Variants in PTPRB observed in about 807,000 individuals in gnomAD.
The protein encoded by PTPRB is protein tyrosine phosphatase receptor type B, also known as receptor-type tyrosine-protein phosphatase beta.
A neutral mutation model predicts 238.1 loss-of-function variants in PTPRB; 97 were observed. The observed-to-expected ratio is 0.41, with a 90% confidence interval of 0.35 to 0.48. The LOEUF (loss-of-function observed/expected upper bound fraction) is 0.48. Among genes scored for constraint, PTPRB ranks in the 20% least tolerant of loss-of-function variants. The pLI, the probability that PTPRB is intolerant of heterozygous loss-of-function variation, is 0.30. For synonymous variants in PTPRB, 970 were observed against 995.4 expected, an observed-to-expected ratio of 0.97 and a Z score of 0.48; for missense variants, 2,292 against 2,681.9, an observed-to-expected ratio of 0.85 and a Z score of 3.21.
intron 4 of PTPRB, among the ~76,000 whole-genome samples, chr12:70,607,474 A>G (rs1884041396): frequency 6.6e-6 from 1 of 152,174 alleles, no homozygotes; most frequent in Non-Finnish European, 1.5e-5. Context: ...AACTTTTGTA[A>G]AATGTTCTAA....
chr12:70,602,220 T>C (rs947286185), intron 4 of PTPRB, among the ~76,000 whole-genome samples: 6 of 152,214 alleles, frequency 3.9e-5, no homozygotes, highest in Admixed American at 1.3e-4. Flanking sequence ...ATGTAACATC[T>C]GTATACACTA....
In PTPRB at chr12:70,560,759, T is replaced by G; in HGVS notation, c.4344A>C (p.Gln1448His). 12 of 1,613,992 alleles carry G rather than the reference T, an allele frequency of 7.4e-6. No homozygotes were observed. The highest frequency in any genetic ancestry group is 9.3e-6 in the Non-Finnish European group (11 of 1,179,870). The change falls in exon 17 of 34, where the codon CAA becomes CAC. Residue 1448 changes from glutamine (Q) to histidine (H), a missense_variant. Physicochemically the swap from Gln to His is conservative, Grantham distance 24. Coordinates refer to ENST00000334414, the MANE Select transcript of PTPRB (RefSeq NM_001109754.4). The surrounding 1 kb of genome is among the most constrained non-coding windows in gnomAD (Gnocchi z 4.2). ...CGTACTTCCTTCCAGGAACAAGGCC[T>G]TGAAACCGCCACTCCGTCAGGTCCT... ...KDKDLTEWRF[Q>H]GLVPGRKYVL...
intron 19 of PTPRB, 103 bp from the exon 20 acceptor site, chr12:70,555,412 C>CTG (rs146276013): frequency 5.0e-5 from 57 of 1,129,910 alleles, no homozygotes; most frequent in Non-Finnish European, 6.2e-5. Context: ...CTGCATCAGA[C>CTG]TGTGTGTGTG....
At chr12:70,548,332 TCTCTCTCTCTCTCTCACACA>T (rs1456616044) in intron 21 of PTPRB, among the ~76,000 whole-genome samples, 1 of 31,504 alleles carries the variant, frequency 3.2e-5, no homozygotes, top group African/African-American at 1.3e-4. Flanking sequence ...TCTCTCTCTC[TCTCTCTCTCTCTCTCACACA>T]CACACACACA....
chr12:70,613,246 C>T (rs560154738), intron 3 of PTPRB, among the ~76,000 whole-genome samples: 8 of 151,954 alleles, frequency 5.3e-5, no homozygotes, highest in Non-Finnish European at 7.4e-5. Flanking sequence ...GTCCTTACCC[C>T]GGCCCCTCAT....
intron 1 of PTPRB, 55 bp downstream of exon 1, chr12:70,637,286 C>T: frequency 6.7e-7 from 1 of 1,499,914 alleles, no homozygotes; most frequent in East Asian, 2.4e-5. Flanking sequence ...AGACCAGGGA[C>T]TCCTTGGCTA....
intron 9 of PTPRB, among the ~76,000 whole-genome samples, chr12:70,581,798 G>A (rs1881425881): frequency 1.3e-5 from 2 of 150,602 alleles, no homozygotes; most frequent in African/African-American, 4.9e-5. Flanking sequence ...ATGAACATGT[G>A]ATAATAATAT....
intron 10 of PTPRB, 34 bp from the exon 11 acceptor site, chr12:70,576,679 G>GGGGGGGGGGA (rs1555230214): frequency 4.5e-6 from 1 of 221,762 alleles, no homozygotes; most frequent in Non-Finnish European, 8.2e-6. Flanking sequence ...CGGGGGGGGG[G>GGGGGGGGGGA]GGGAAGGGGG....
Position 70,592,414 on chromosome 12 carries a change from C to G in PTPRB, c.1648G>C (p.Glu550Gln). 1 of 1,613,860 alleles carries G rather than the reference C, an allele frequency of 6.2e-7. No individual in the cohort carries two copies. The change falls in exon 7 of 34, where the codon GAA (glutamate) becomes CAA (glutamine). Residue 550 changes from glutamate to glutamine, a missense_variant. This residue lies in a region of PTPRB where 1,205 missense variants were observed against 1,287.8 expected (regional missense o/e 0.94). Coordinates refer to ENST00000334414, the MANE Select transcript of PTPRB (RefSeq NM_001109754.4). ...ATCCAAGGTGCTAATACTCTGGATT[C>G]CTTGATGGTCCCTTTGTGAGACAGG... Reference protein sequence around the residue: ...ITLSHKGTIKESRVLAPWITE... With the variant: ...ITLSHKGTIKQSRVLAPWITE...
chr12:70,540,635 C>A, intron 23 of PTPRB: 1 of 491,352 alleles, frequency 2.0e-6, no homozygotes, highest in Non-Finnish European at 3.6e-6. Context: ...TATAGATGGC[C>A]CCTCAGTCCT....
intron 4 of PTPRB, among the ~76,000 whole-genome samples, chr12:70,599,838 T>C (rs866440610): frequency 6.6e-6 from 1 of 152,158 alleles, no homozygotes; most frequent in East Asian, 1.9e-4. Context: ...AGTGTGATGA[T>C]GTGTGCCCTT....
At chr12:70,567,892 C>T (rs777189004) in intron 14 of PTPRB, among the ~76,000 whole-genome samples, 2 of 152,142 alleles carry the variant, frequency 1.3e-5, no homozygotes, top group Non-Finnish European at 2.9e-5. Flanking sequence ...GGTTTTGCCA[C>T]GTTGCCCAGG....
chr12:70,552,496 A>AT lies in PTPRB; in HGVS notation c.5387+280_5387+281insA, dbSNP rs1565931663. On this transcript the variant is annotated intron_variant, in intron 21 of 33. Coordinates refer to ENST00000334414, the MANE Select transcript of PTPRB (RefSeq NM_001109754.4). ...AAGACTCTGTCTCAAAAAAAAAAAAAAAAATAATGAAAGTTGTAGAAGAAA... is the reference window on the plus strand; with the variant it reads ...AAGACTCTGTCTCAAAAAAAAAAAAATAAAATAATGAAAGTTGTAGAAGAAA... 1.2e-3 allele frequency among the ~76,000 whole-genome samples: 158 copies of AT among 134,926 alleles called. 1 individual carries two copies. The highest frequency in any genetic ancestry group is 4.1e-3 in the African/African-American group (133 of 32,414). 88.5% of individuals were successfully genotyped at this position (134,926 alleles called of 152,430 possible).
intron 2 of PTPRB, among the ~76,000 whole-genome samples, chr12:70,627,079 T>C (rs1885238249): frequency 6.6e-6 from 1 of 152,086 alleles, no homozygotes. Context: ...ATCAAAGAAA[T>C]ACATTTCAAT....
intron 20 of PTPRB, among the ~76,000 whole-genome samples, chr12:70,554,290 T>C (rs2567133): frequency 0.82 from 124,534 of 152,176 alleles, 52,795 homozygotes; most frequent in East Asian, 0.97. Flanking sequence ...TCAAAATTAT[T>C]AGGGATGCTT....
Position 70,627,509 on chromosome 12 carries a change from A to G in PTPRB, c.452-4863T>C, listed in dbSNP as rs1347445560. ...AAAAATGACAATTTTAGGCTACATG[A>G]AAATCTATTATTTTACTTTTCTTTT... On this transcript the variant is annotated intron_variant, in intron 2 of 33. Transcript: ENST00000334414. Among the ~76,000 whole-genome samples, 3 of 152,182 alleles carry G rather than the reference A, an allele frequency of 2.0e-5. No homozygotes were observed. The East Asian group carries it at 5.8e-4, about 29-fold the overall frequency.
chr12:70,545,991 G>T (rs1875905825), intron 21 of PTPRB, among the ~76,000 whole-genome samples: 2 of 152,122 alleles, frequency 1.3e-5, no homozygotes, highest in Non-Finnish European at 2.9e-5. Context: ...ACAAAAATTA[G>T]CCAGGCATGG....
Position 70,590,017 on chromosome 12 carries a change from A to G in PTPRB, c.1997T>C (p.Val666Ala), listed in dbSNP as rs1440906045. ...LVPGRQYEVE[V>A]IVESGNLKNS... ...CTTCAAATTTCCACTCTCAACAATG[A>G]CTTCCACCTCATACTGTCTTCCCGG... is the stretch of plus-strand genomic sequence containing the variant. The change falls in exon 8 of 34, where the codon GTC (valine) becomes GCC (alanine). Residue 666 changes from valine (V) to alanine (A), a missense_variant. Val to Ala is a moderately conservative substitution (Grantham distance 64). This residue lies in a region of PTPRB where 1,205 missense variants were observed against 1,287.8 expected (regional missense o/e 0.94). Transcript: ENST00000334414. 2.5e-6 allele frequency: 4 copies of G among 1,613,902 alleles called. No homozygotes were observed. The highest frequency in any genetic ancestry group is 3.4e-6 in the Non-Finnish European group (4 of 1,179,868).
rs73334233 is a variant in PTPRB at position 70,561,529 on chromosome 12, A to G, written c.4169-595T>C. ...TTGCCACATTGGGAGACCTTTAAGC[A>G]TTAATGAGCAGGTAAGGAAAGATGT... On this transcript the variant is annotated intron_variant, in intron 16 of 33. Transcript: ENST00000334414. Among the ~76,000 whole-genome samples the G allele has an allele frequency of 8.5e-4, 129 of 152,326 alleles. 1 individual carries two copies. The highest frequency in any genetic ancestry group is 2.8e-3 in the African/African-American group (116 of 41,586).
Sources: allele counts gnomAD v4.1 joint callset (sites outside exome capture counted in the v4.1 genomes callset), GRCh38; gene constraint gnomAD v4.1.1; regional missense constraint gnomAD v4.1.1; non-coding constraint Gnocchi (gnomAD v3.1); transcripts MANE v1.5; gene names NCBI Gene and HGNC (gene_info 2026-07-23, HGNC 2026-07-21).